Variants in C7 observed in about 807,000 individuals in gnomAD.
C7 encodes the protein complement component C7.
A neutral mutation model predicts 104.8 loss-of-function variants in C7; 83 were observed. That is an observed-to-expected ratio of 0.79 (90% CI 0.66 to 0.95). C7 has a LOEUF of 0.95. Ranked by LOEUF, C7 falls within the 40% of genes least tolerant of loss-of-function variation. The probability of loss-of-function intolerance (pLI) is 0.00; values close to 1 mark genes in which losing one functional copy is unlikely to be tolerated. For missense variants in C7, 1,070 were observed against 1,011.2 expected, an observed-to-expected ratio of 1.06 and a Z score of -0.79; for synonymous variants, 415 against 360.6, an observed-to-expected ratio of 1.15 and a Z score of -1.71.
At chr5:40,928,498 T>C (rs1739605855) in intron 1 of C7, 82 bp from the exon 2 acceptor site, 1 of 801,374 alleles carries the variant, frequency 1.2e-6, no homozygotes, top group Admixed American at 2.8e-5. Flanking sequence ...ACCCCATAAA[T>C]TTATACAATT....
Position 40,959,453 on chromosome 5 carries a change from G to T in C7, c.1494G>T (p.Gly498=), listed in dbSNP as rs1208679115. ...AACCTCTTTCTCATCTTGTAGGAGG[G>T]GTTGATGGAGGTTGGAGTTGCTGGT... is the stretch of plus-strand genomic sequence containing the variant. ...QGVLVGNQAG[G]VDGGWSCWSS... Residue 498 remains glycine (G), a synonymous_variant, in exon 12 of 18, where the codon GGG becomes GGT. Coordinates refer to ENST00000313164, the MANE Select transcript of C7 (RefSeq NM_000587.4). 3 of 1,609,932 alleles carry T rather than the reference G, an allele frequency of 1.9e-6. No individual in the cohort carries two copies. Among genetic ancestry groups the T allele is most frequent in the Non-Finnish European group, 2.5e-6 (3 of 1,178,762 alleles).
In C7 at chr5:40,928,651, G is replaced by A. The variant is rs752124670; in HGVS notation, c.62+16G>A. 6.0e-6 allele frequency: 9 copies of A among 1,499,196 alleles called. No individual in the cohort carries two copies. Among genetic ancestry groups the A allele is most frequent in the African/African-American group, 1.4e-5 (1 of 71,804 alleles). 92.9% of individuals were successfully genotyped at this position (1,499,196 alleles called of 1,614,324 possible). On this transcript the variant is annotated intron_variant, in intron 2 of 17. Transcript: ENST00000313164. The stretch of plus-strand genomic sequence containing the variant: ...GTTTTTCAAGGTGAGGACTTTTTGG[G>A]TTGTGTGTAAAAATCATTAAATTTA...
chr5:40,938,147 T>C (rs1313722629), intron 6 of C7, among the ~76,000 whole-genome samples: 1 of 152,174 alleles, frequency 6.6e-6, no homozygotes, highest in East Asian at 1.9e-4. Flanking sequence ...ATGCCCACCA[T>C]CTGCCTTAAG....
chr5:40,923,049 G>C (rs902729005), intron 1 of C7, among the ~76,000 whole-genome samples: 4 of 152,144 alleles, frequency 2.6e-5, no homozygotes, highest in Non-Finnish European at 5.9e-5. Flanking sequence ...TATGGAATTA[G>C]AGAAAATATT....
intron 15 of C7, among the ~76,000 whole-genome samples, chr5:40,974,827 C>T (rs1177858457): frequency 6.6e-6 from 1 of 152,080 alleles, no homozygotes; most frequent in Non-Finnish European, 1.5e-5. Context: ...TGATCATTGA[C>T]CTTAAGTTTT....
intron 14 of C7, among the ~76,000 whole-genome samples, chr5:40,969,412 T>C (rs954132654): frequency 4.7e-5 from 7 of 150,250 alleles, no homozygotes; most frequent in Non-Finnish European, 8.9e-5. Flanking sequence ...TATTGTTTTT[T>C]TTGGTTGGAA....
intron 1 of C7, among the ~76,000 whole-genome samples, chr5:40,925,678 T>G (rs937968279): frequency 6.6e-6 from 1 of 152,146 alleles, no homozygotes; most frequent in Non-Finnish European, 1.5e-5. Flanking sequence ...AGAGGTTTAA[T>G]TGGGTCTTGG....
At position 40,931,130 on chromosome 5, in the gene C7, C is replaced by G. The variant is rs763666089; in HGVS notation, c.129C>G (p.Thr43=). 6.2e-7 allele frequency: 1 copy of G among 1,612,574 alleles called. No homozygotes were observed. Among genetic ancestry groups the G allele is most frequent in the South Asian group, 1.1e-5 (1 of 91,006 alleles). ...CTTGGTCAGAATGCAATGGCTGTAC[C>G]AAGACTCAGGTAGGACCATGCAAAA... The part of the protein sequence containing the change: ...YAPWSECNGC[T]KTQTRRRSVA... Residue 43 remains threonine, a synonymous_variant, in exon 3 of 18, where the codon ACC becomes ACG. Coordinates refer to ENST00000313164, the MANE Select transcript of C7 (RefSeq NM_000587.4).
At chr5:40,972,352 G>C (rs1740717575) in intron 14 of C7, 51 bp from the exon 15 acceptor site, 2 of 1,484,750 alleles carry the variant, frequency 1.3e-6, no homozygotes, top group Admixed American at 3.6e-5. Flanking sequence ...TTTTTAAAAA[G>C]ATGGTTTAGG....
Position 40,932,958 on chromosome 5 carries a change from TG to T in C7, c.139-1365del, listed in dbSNP as rs199712036. 3.5e-3 allele frequency among the ~76,000 whole-genome samples: 530 copies of T among 152,256 alleles called. 15 individuals carry two copies. The highest frequency in any genetic ancestry group is 0.028 in the Admixed American group (423 of 15,270). ...AGAGTGGCTGCCATCAAGGGCTCCC[TG>T]GTAATATGGAGAAGAAAAACACTTT... On this transcript the variant is annotated intron_variant, in intron 3 of 17. Coordinates refer to ENST00000313164, the MANE Select transcript of C7 (RefSeq NM_000587.4).
At chr5:40,978,754 C>G (rs1740872433) in intron 16 of C7, among the ~76,000 whole-genome samples, 1 of 152,084 alleles carries the variant, frequency 6.6e-6, no homozygotes, top group Admixed American at 6.6e-5. Context: ...CAGTAATGCC[C>G]TCCTTGTCTA....
intron 1 of C7, among the ~76,000 whole-genome samples, chr5:40,926,309 C>G (rs985233159): frequency 1.1e-4 from 16 of 152,150 alleles, no homozygotes; most frequent in African/African-American, 3.9e-4. Context: ...TTACACCCAC[C>G]AGTGAAAAAT....
chr5:40,939,538 C>T (rs1376180), intron 6 of C7, among the ~76,000 whole-genome samples: 70,487 of 152,036 alleles, frequency 0.46, 17,054 homozygotes, highest in African/African-American at 0.63. Flanking sequence ...ATGTGTTTCA[C>T]TTATTTTTCA....
chr5:40,948,920 AT>A (rs996031266), intron 8 of C7, among the ~76,000 whole-genome samples: 57 of 151,232 alleles, frequency 3.8e-4, no homozygotes, highest in African/African-American at 5.8e-4. Context: ...CCACTGAGCT[AT>A]TTTTTTTTGA....
At chr5:40,940,681 G>A (rs557876391) in intron 6 of C7, among the ~76,000 whole-genome samples, 3 of 152,254 alleles carry the variant, frequency 2.0e-5, no homozygotes, top group Admixed American at 6.5e-5. Context: ...TTTAAATGAT[G>A]GTTAAAAATA....
intron 15 of C7, among the ~76,000 whole-genome samples, chr5:40,973,949 A>T (rs1579876464): frequency 1.3e-5 from 2 of 152,352 alleles, no homozygotes; most frequent in African/African-American, 2.4e-5. Flanking sequence ...AATAACAGTA[A>T]CTACTTCTAA....
At chr5:40,923,475 G>C (rs1358472007) in intron 1 of C7, among the ~76,000 whole-genome samples, 1 of 152,182 alleles carries the variant, frequency 6.6e-6, no homozygotes, top group Non-Finnish European at 1.5e-5. Flanking sequence ...TCCAGGTGTG[G>C]TGGCTCCCGC....
At position 40,978,592 on chromosome 5, in the gene C7, A is replaced by G. The variant is rs781252547; in HGVS notation, c.2166-1133A>G. Among the ~76,000 whole-genome samples, 48 of 152,330 alleles carry G rather than the reference A, an allele frequency of 3.2e-4. No homozygotes were observed. The Middle Eastern group carries it at 0.024, about 76-fold the overall frequency. On this transcript the variant is annotated intron_variant, in intron 16 of 17. Transcript: ENST00000313164. ...CAGATGAAAAGATAGATTCAAAACA[A>G]CAGGATTTGTTTCTGTTTTATAAAT...
At chr5:40,938,555 T>C (rs1205913448) in intron 6 of C7, among the ~76,000 whole-genome samples, 1 of 152,200 alleles carries the variant, frequency 6.6e-6, no homozygotes, top group Non-Finnish European at 1.5e-5. Flanking sequence ...AATTGCTACC[T>C]CATAGGATAT....
Sources: gnomAD v4.1 joint callset for allele counts (sites outside exome capture counted in the v4.1 genomes callset) on GRCh38, gnomAD v4.1.1 for gene constraint, MANE v1.5 for transcripts, NCBI Gene and HGNC (gene_info 2026-07-23, HGNC 2026-07-21) for gene names.